CDH26: variants seen among roughly 807,000 people sequenced by gnomAD.
The protein encoded by CDH26 is cadherin 26.
Under a neutral mutation model 90.3 loss-of-function variants are expected in CDH26, and 83 were observed. That is an observed-to-expected ratio of 0.92 (90% CI 0.77 to 1.10). CDH26 has a LOEUF of 1.10. Among genes scored for constraint, CDH26 ranks in the 50% least tolerant of loss-of-function variants. The pLI, the probability that CDH26 is intolerant of heterozygous loss-of-function variation, is 0.00. For missense variants in CDH26, 1,013 were observed against 1,037.6 expected (o/e 0.98, Z 0.33); for synonymous variants, 397 against 396.3 (o/e 1.00, Z -0.02).
intron 14 of CDH26, among the ~76,000 whole-genome samples, chr20:59,999,899 C>T (rs570987385): frequency 7.9e-5 from 12 of 152,324 alleles, no homozygotes; most frequent in Non-Finnish European, 1.6e-4. Context: ...CCCTGTGCTT[C>T]CAAATATCAC....
chr20:60,033,306 T>A (rs1202763244), intron 8 of CDH26, among the ~76,000 whole-genome samples: 1 of 152,190 alleles, frequency 6.6e-6, no homozygotes, highest in African/African-American at 2.4e-5. Flanking sequence ...GTAATAAGAT[T>A]TTTGGTGGAT....
intron 1 of CDH26, 110 bp downstream of exon 1, chr20:59,958,905 G>C: frequency 9.2e-7 from 1 of 1,086,112 alleles, no homozygotes; most frequent in Non-Finnish European, 1.3e-6. Context: ...AGTGTGACCT[G>C]CTGGGACCCA....
Position 60,012,480 on chromosome 20 carries a change from A to G in CDH26, c.2296-47A>G, listed in dbSNP as rs370671150. The stretch of plus-strand genomic sequence containing the variant: ...TCAAACCTAGAGAAATGAGCTGGGT[A>G]TGGAAGCACATGGCATTTACCTTCT... On this transcript the variant is annotated intron_variant, in intron 17 of 17. Transcript: ENST00000348616. The G allele has an allele frequency of 6.7e-5, 105 of 1,559,418 alleles. 1 individual carries two copies. The South Asian group carries it at 1.0e-3, about 15-fold the overall frequency.
chr20:59,973,427 A>C (rs767971944), intron 4 of CDH26, among the ~76,000 whole-genome samples: 1 of 151,818 alleles, frequency 6.6e-6, no homozygotes, highest in Non-Finnish European at 1.5e-5. Flanking sequence ...TTTTAAGTTC[A>C]TGTACAGGTT....
intron 6 of CDH26, 62 bp from the exon 7 acceptor site, chr20:59,984,939 C>A (rs1440722602): frequency 6.3e-7 from 1 of 1,583,174 alleles, no homozygotes; most frequent in South Asian, 1.1e-5. Context: ...CAGAATATTT[C>A]TTTATTAATA....
chr20:59,973,879 G>A (rs924952932), intron 4 of CDH26, among the ~76,000 whole-genome samples: 3 of 152,224 alleles, frequency 2.0e-5, no homozygotes, highest in Non-Finnish European at 4.4e-5. Flanking sequence ...CTTTATGATA[G>A]AATGATTTAA....
chr20:59,970,337 G>A, intron 3 of CDH26, 151 bp downstream of exon 3: 3 of 1,103,910 alleles, frequency 2.7e-6, no homozygotes, highest in Non-Finnish European at 3.7e-6. Flanking sequence ...GGTTCAGGAA[G>A]CCTGGGTTCT....
intron 5 of CDH26, among the ~76,000 whole-genome samples, chr20:59,983,621 A>G (rs1601132913): frequency 6.6e-6 from 1 of 152,318 alleles, no homozygotes; most frequent in East Asian, 1.9e-4. Context: ...TTCTTTCAGC[A>G]TTTTTGTGTG....
downstream of CDH26, among the ~76,000 whole-genome samples, chr20:60,019,316 C>T (rs996983353): frequency 3.3e-5 from 5 of 152,114 alleles, no homozygotes; most frequent in Non-Finnish European, 7.4e-5. Flanking sequence ...ACACCTTTTC[C>T]ATTCTCTTCT....
chr20:60,002,803 T>C lies in CDH26; in HGVS notation c.2167-10T>C. ...ATTTGAAATCAGTAAATATTTCATC[T>C]TTCTTTAAGGGTTATGGCAAGCCCT... On this transcript the variant is annotated splice_polypyrimidine_tract_variant and intron_variant, in intron 15 of 17. Coordinates refer to ENST00000348616, the MANE Select transcript of CDH26 (RefSeq NM_177980.4). 6.3e-7 allele frequency: 1 copy of C among 1,582,932 alleles called. No homozygotes were observed. Among genetic ancestry groups the C allele is most frequent in the East Asian group, 2.3e-5 (1 of 44,378 alleles).
intron 14 of CDH26, 85 bp from the exon 15 acceptor site, chr20:60,001,258 G>A: frequency 2.0e-6 from 3 of 1,509,364 alleles, no homozygotes; most frequent in South Asian, 1.1e-5. Flanking sequence ...GCAAGGGGAA[G>A]TGGTGAGAGG....
Position 60,030,276 on chromosome 20 carries a change from C to CA in CDH26, c.948-954dup, listed in dbSNP as rs1375084980. On this transcript the variant is annotated intron_variant, in intron 7 of 8. Transcript: ENST00000370991. The surrounding 1 kb of genome is among the most constrained non-coding windows in gnomAD (Gnocchi z 4.0). ...GATTCATTTTGACTGGAGGGTTTTC[C>CA]ACCTGAGTTCTCCAGAGCCTCAGCA... Among the ~76,000 whole-genome samples the CA allele has an allele frequency of 6.6e-6, 1 of 152,162 alleles. No homozygotes were observed. The highest frequency in any genetic ancestry group is 6.5e-5 in the Admixed American group (1 of 15,272).
rs372610202 is a variant in CDH26 at position 59,989,212 on chromosome 20, C to G, written c.1283+49C>G. The stretch of plus-strand genomic sequence containing the variant: ...GCGGTTGTTTAAGTGGAAATAGCCA[C>G]ATAACCAAGAGGGCTCCTGTTAGAA... On this transcript the variant is annotated intron_variant, in intron 9 of 17. Coordinates refer to ENST00000348616, the MANE Select transcript of CDH26 (RefSeq NM_177980.4). 14 of 1,604,592 alleles carry G rather than the reference C, an allele frequency of 8.7e-6. No individual in the cohort carries two copies. In the African/African-American group the frequency reaches 1.9e-4, roughly 21 times the overall value.
rs1022374517 is a variant in CDH26, at chr20:59,970,369, T to G, written c.231+183T>G. Among the ~76,000 whole-genome samples the G allele has an allele frequency of 2.6e-5, 4 of 152,284 alleles. No individual in the cohort carries two copies. In the East Asian group the frequency reaches 7.7e-4, roughly 29 times the overall value. On this transcript the variant is annotated intron_variant, in intron 3 of 17. Transcript: ENST00000348616. The stretch of plus-strand genomic sequence containing the variant: ...TTCTAGAACTCACTCTAACTCTACC[T>G]GGTTATGTGAGTTTGAACGAGTCAC...
intron 8 of CDH26, among the ~76,000 whole-genome samples, chr20:60,033,040 T>C (rs891429332): frequency 1.3e-5 from 2 of 152,092 alleles, no homozygotes; most frequent in African/African-American, 2.4e-5. Context: ...TGGTGTCTCA[T>C]AGAGGATCAA....
chr20:60,005,472 A>G (rs971495770), intron 16 of CDH26, among the ~76,000 whole-genome samples: 42 of 145,556 alleles, frequency 2.9e-4, no homozygotes, highest in Admixed American at 7.5e-4. Flanking sequence ...GTGCATGTGT[A>G]TATATCTGTA....
chr20:59,993,816 C>T (rs1379001460), intron 10 of CDH26, among the ~76,000 whole-genome samples: 1 of 152,118 alleles, frequency 6.6e-6, no homozygotes, highest in Non-Finnish European at 1.5e-5. Context: ...TGCCAGTTTT[C>T]CCCAGGGGCA....
rs1569036901 is a variant in CDH26 at position 59,984,651 on chromosome 20, T to C, written c.554T>C (p.Phe185Ser). ...QENQSAGQPI[F>S]QMLAVDLDEE... ...AAATTCTTTCTAGGGCAACCTATTTTTCAGATGTTAGCAGTCGATTTGGAT... is the reference window on the plus strand; with the variant it reads ...AAATTCTTTCTAGGGCAACCTATTTCTCAGATGTTAGCAGTCGATTTGGAT... Residue 185 changes from phenylalanine to serine, a missense_variant, in exon 6 of 18, where the codon TTT (phenylalanine) becomes TCT (serine). Transcript: ENST00000348616. 1 of 1,608,704 alleles carries C rather than the reference T, an allele frequency of 6.2e-7. No homozygotes were observed. The highest frequency in any genetic ancestry group is 8.5e-7 in the Non-Finnish European group (1 of 1,178,622).
rs1876257694 is a variant in CDH26 at position 59,985,094 on chromosome 20, G to A, written c.802G>A (p.Gly268Ser). ...TTTVHVDVQE[G>S]NNHRPAFTQE... ...CACCGTTCACGTGGATGTGCAAGAA[G>A]GCAACAACCACAGGCCTGCATTTAC... Residue 268 changes from glycine to serine, a missense_variant, in exon 7 of 18, where the codon GGC becomes AGC. Gly to Ser is a moderately conservative substitution (Grantham distance 56). Coordinates refer to ENST00000348616, the MANE Select transcript of CDH26 (RefSeq NM_177980.4). 3.1e-6 allele frequency: 5 copies of A among 1,614,024 alleles called. No individual in the cohort carries two copies. The highest frequency in any genetic ancestry group is 4.2e-6 in the Non-Finnish European group (5 of 1,179,998).
Sources: allele counts gnomAD v4.1 joint callset (sites outside exome capture counted in the v4.1 genomes callset), GRCh38; gene constraint gnomAD v4.1.1; non-coding constraint Gnocchi (gnomAD v3.1); transcripts MANE v1.5; gene names NCBI Gene and HGNC (gene_info 2026-07-23, HGNC 2026-07-21).